Variants in PBX1 observed in about 807,000 individuals in gnomAD.
PBX1 encodes the protein PBX homeobox 1, also known as pre-B-cell leukemia transcription factor 1.
In PBX1, 6 loss-of-function variants were observed where a neutral mutation model predicts 53.4. That is an observed-to-expected ratio of 0.11 (90% CI 0.06 to 0.22). PBX1 has a LOEUF of 0.22. Among genes scored for constraint, PBX1 ranks in the 10% least tolerant of loss-of-function variants. The pLI, the probability that PBX1 is intolerant of heterozygous loss-of-function variation, is 1.00. For synonymous variants in PBX1, 204 were observed against 212.3 expected (o/e 0.96, Z 0.34); for missense variants, 251 against 551.4 (o/e 0.46, Z 5.46).
At chr1:164,600,796 C>T (rs891298621) in intron 2 of PBX1, among the ~76,000 whole-genome samples, 5 of 152,318 alleles carry the variant, frequency 3.3e-5, no homozygotes, top group African/African-American at 9.6e-5. Context: ...ATCTCAGACA[C>T]GTTTGCTTCT....
chr1:164,792,432 TGTG>T, intron 2 of PBX1, 59 bp from the exon 3 acceptor site: 1 of 1,590,956 alleles, frequency 6.3e-7, no homozygotes, highest in Non-Finnish European at 8.6e-7. Context: ...ACAAATGTGT[TGTG>T]TTTTTTATTT....
At chr1:164,689,229 G>A (rs1662311635) in intron 2 of PBX1, among the ~76,000 whole-genome samples, 1 of 152,218 alleles carries the variant, frequency 6.6e-6, no homozygotes, top group Non-Finnish European at 1.5e-5. Context: ...GGTGGAAGAA[G>A]CCCTAATGAG....
At chr1:164,776,205 G>T (rs2102261526) in intron 2 of PBX1, among the ~76,000 whole-genome samples, 1 of 152,238 alleles carries the variant, frequency 6.6e-6, no homozygotes, top group South Asian at 2.1e-4. Flanking sequence ...AAATTGTTAG[G>T]TATTTATCAT....
At chr1:164,568,832 C>T (rs528631884) in intron 2 of PBX1, among the ~76,000 whole-genome samples, 8 of 152,300 alleles carry the variant, frequency 5.3e-5, no homozygotes, top group Admixed American at 4.6e-4. Flanking sequence ...GAGTGATCCC[C>T]AGAGGGGAAA....
intron 2 of PBX1, among the ~76,000 whole-genome samples, chr1:164,582,426 T>G (rs549717167): frequency 5.8e-4 from 86 of 147,238 alleles, no homozygotes; most frequent in African/African-American, 2.0e-3. Context: ...CATAATTTCT[T>G]TTTTTTTTTT....
intron 2 of PBX1, among the ~76,000 whole-genome samples, chr1:164,866,824 G>A (rs1672231032): frequency 6.6e-6 from 1 of 152,012 alleles, no homozygotes; most frequent in Non-Finnish European, 1.5e-5. Flanking sequence ...AAATTATATG[G>A]CATCTGAGAT....
At chr1:164,683,081 T>C (rs928413292) in intron 2 of PBX1, 5 of 152,216 alleles carry the variant, frequency 3.3e-5, no homozygotes, top group African/African-American at 1.2e-4. Context: ...CATCAAATTT[T>C]GGTTGAAAAC....
At position 164,851,163 on chromosome 1, in the gene PBX1, A is replaced by G. The variant is rs2102430290; in HGVS notation, c.*4487A>G. Reference sequence around the variant, plus strand: ...TAACCTCTGACTTAGGCAGCTGCTTAAAGCAAATTGCAAAACTGGCTTGAT... The same window carrying G: ...TAACCTCTGACTTAGGCAGCTGCTTGAAGCAAATTGCAAAACTGGCTTGAT... On this transcript the variant is annotated 3_prime_UTR_variant, in exon 9 of 9. Coordinates refer to ENST00000420696, the MANE Select transcript of PBX1 (RefSeq NM_002585.4). The G allele has an allele frequency of 4.6e-6, 1 of 217,032 alleles. No homozygotes were observed. The highest frequency in any genetic ancestry group is 6.8e-5 in the East Asian group (1 of 14,694). The allele number at this position is 217,032 out of a possible 1,614,324, so 13.4% of individuals were successfully genotyped here.
At chr1:164,762,468 G>T (rs1277464609) in intron 2 of PBX1, among the ~76,000 whole-genome samples, 1 of 152,160 alleles carries the variant, frequency 6.6e-6, no homozygotes, top group African/African-American at 2.4e-5. Context: ...AAGTCTTTCA[G>T]CAATTTGACA....
chr1:164,863,188 C>T (rs1571540884), intron 2 of PBX1, among the ~76,000 whole-genome samples: 1 of 152,238 alleles, frequency 6.6e-6, no homozygotes, highest in Admixed American at 6.5e-5. Flanking sequence ...CCATGCTGGG[C>T]CCTGGCAGGG....
chr1:164,673,849 G>A (rs1298822407), intron 2 of PBX1, among the ~76,000 whole-genome samples: 1 of 152,116 alleles, frequency 6.6e-6, no homozygotes, highest in African/African-American at 2.4e-5. Context: ...CTTGTGGTTT[G>A]CTGGTCTCTG....
intron 4 of PBX1, among the ~76,000 whole-genome samples, chr1:164,803,051 A>G (rs1379713374): frequency 6.6e-6 from 1 of 152,200 alleles, no homozygotes; most frequent in Non-Finnish European, 1.5e-5. Flanking sequence ...TATATTGCCA[A>G]AGAGAGGATG....
chr1:164,595,387 G>A (rs1224409564), intron 2 of PBX1, among the ~76,000 whole-genome samples: 2 of 152,198 alleles, frequency 1.3e-5, no homozygotes, highest in East Asian at 3.8e-4. Flanking sequence ...TCCCACGGTG[G>A]CAAGTTGGCT....
At chr1:164,785,571 T>C (rs1164490503) in intron 2 of PBX1, among the ~76,000 whole-genome samples, 1 of 152,184 alleles carries the variant, frequency 6.6e-6, no homozygotes, top group African/African-American at 2.4e-5. Flanking sequence ...CCTGGCAATC[T>C]CATGTACCCA....
Position 164,804,491 on chromosome 1 carries a change from A to T in PBX1, c.702-3051A>T, listed in dbSNP as rs74231178. Reference sequence around the variant, plus strand: ...ATTTAAAAATTAGCTCTCTGGTTACACTAGCCACATTGCAGCTGCTCAGTA... The same window carrying T: ...ATTTAAAAATTAGCTCTCTGGTTACTCTAGCCACATTGCAGCTGCTCAGTA... On this transcript the variant is annotated intron_variant, in intron 4 of 8. Coordinates refer to ENST00000420696, the MANE Select transcript of PBX1 (RefSeq NM_002585.4). 7.6e-4 allele frequency among the ~76,000 whole-genome samples: 116 copies of T among 152,356 alleles called. 2 individuals carry two copies. The East Asian group carries it at 0.022, about 29-fold the overall frequency.
chr1:164,878,129 CAGTTT>C (rs1672560160), intron 2 of PBX1, among the ~76,000 whole-genome samples: 2 of 152,122 alleles, frequency 1.3e-5, no homozygotes, highest in African/African-American at 4.8e-5. Flanking sequence ...GCTTTGGACT[CAGTTT>C]AGAGTTCGAA....
intron 2 of PBX1, among the ~76,000 whole-genome samples, chr1:164,777,081 G>A (rs780244855): frequency 1.2e-4 from 18 of 152,082 alleles, no homozygotes; most frequent in Admixed American, 9.8e-4. Flanking sequence ...ATGCTTGGCC[G>A]TCAACAGAAT....
intron 8 of PBX1, among the ~76,000 whole-genome samples, chr1:164,844,782 G>A (rs1305230286): frequency 1.3e-5 from 2 of 152,164 alleles, no homozygotes; most frequent in Non-Finnish European, 2.9e-5. Flanking sequence ...GAATTTGAAT[G>A]AATTCTGTTC....
At position 164,632,839 on chromosome 1, in the gene PBX1, A is replaced by G. The variant is rs113236549; in HGVS notation, c.265+69528A>G. 7.1e-3 allele frequency among the ~76,000 whole-genome samples: 1,079 copies of G among 152,292 alleles called. 16 individuals are homozygous for G. The highest frequency in any genetic ancestry group is 0.025 in the African/African-American group (1,034 of 41,566). On this transcript the variant is annotated intron_variant, in intron 2 of 8. Transcript: ENST00000420696. Reference sequence around the variant, plus strand: ...GGTTGAGCAGTAAACACGGAGGCACAAAAGGATATAATTAAGGTGACTCTG... The same window carrying G: ...GGTTGAGCAGTAAACACGGAGGCACGAAAGGATATAATTAAGGTGACTCTG...
Sources: allele counts gnomAD v4.1 joint callset (sites outside exome capture counted in the v4.1 genomes callset), GRCh38; gene constraint gnomAD v4.1.1; transcripts MANE v1.5; gene names NCBI Gene and HGNC (gene_info 2026-07-23, HGNC 2026-07-21).